The following CCSER1 variants were observed in gnomAD, a reference collection of about 807,000 sequenced individuals.
The protein encoded by CCSER1 is serine-rich coiled-coil domain-containing protein 1.
CCSER1 carries 41 observed loss-of-function variants against 82.0 expected under a neutral mutation model. The ratio of observed to expected loss-of-function variants is 0.50; its 90% CI spans 0.39 to 0.65. The LOEUF (loss-of-function observed/expected upper bound fraction) is 0.65. CCSER1 is among the 30% of genes least tolerant of loss of function. The pLI, the probability that CCSER1 is intolerant of heterozygous loss-of-function variation, is 0.00. For missense variants in CCSER1, 1,119 were observed against 1,064.2 expected (o/e 1.05, Z -0.72); for synonymous variants, 414 against 383.9 (o/e 1.08, Z -0.92).
rs180792514 is a variant in CCSER1 at position 91,127,927 on chromosome 4, T to A, written c.2217+41933T>A. Among the ~76,000 whole-genome samples, 176 of 149,870 alleles carry A rather than the reference T, an allele frequency of 1.2e-3. 5 individuals carry two copies. In the Middle Eastern group the frequency reaches 0.034, roughly 29 times the overall value. On this transcript the variant is annotated intron_variant, in intron 10 of 10. Transcript: ENST00000509176. ...AATAAGGTCACATTAGCATACATGC[T>A]CAAATTTCCATTGCACTGGGACACT...
At chr4:90,991,520 C>A (rs1737026496) in intron 9 of CCSER1, among the ~76,000 whole-genome samples, 1 of 151,908 alleles carries the variant, frequency 6.6e-6, no homozygotes, top group Non-Finnish European at 1.5e-5. Flanking sequence ...CTGCTTCAGT[C>A]TTCACAAGGC....
In CCSER1 at chr4:91,020,364, T is replaced by C. The variant is rs559407332; in HGVS notation, c.2173-65586T>C. Reference sequence around the variant, plus strand: ...ACTTTAATAAACATTGTGCCAGTCTTTAAAAGTACATACCTTGGCCGGGTG... The same window carrying C: ...ACTTTAATAAACATTGTGCCAGTCTCTAAAAGTACATACCTTGGCCGGGTG... On this transcript the variant is annotated intron_variant, in intron 9 of 10. Coordinates refer to ENST00000509176, the MANE Select transcript of CCSER1 (RefSeq NM_001145065.2). 1.9e-3 allele frequency among the ~76,000 whole-genome samples: 294 copies of C among 152,246 alleles called. 2 individuals carry two copies. The highest frequency in any genetic ancestry group is 1.3e-3 in the Non-Finnish European group (86 of 68,004).
intron 10 of CCSER1, among the ~76,000 whole-genome samples, chr4:91,189,687 A>G (rs1486548638): frequency 6.6e-6 from 1 of 152,102 alleles, no homozygotes; most frequent in Non-Finnish European, 1.5e-5. Context: ...TTTTCAACTT[A>G]TAATTTGTTT....
At chr4:91,093,027 A>G (rs1404768555) in intron 10 of CCSER1, among the ~76,000 whole-genome samples, 1 of 152,098 alleles carries the variant, frequency 6.6e-6, no homozygotes, top group Non-Finnish European at 1.5e-5. Flanking sequence ...TCTTTATATA[A>G]TGCTCCATAT....
intron 10 of CCSER1, among the ~76,000 whole-genome samples, chr4:91,170,662 T>C (rs1205852046): frequency 6.6e-6 from 1 of 152,194 alleles, no homozygotes; most frequent in Non-Finnish European, 1.5e-5. Flanking sequence ...AAAAATCATT[T>C]TTAGTAGAAA....
chr4:91,048,938 G>T (rs1388336131), intron 9 of CCSER1, among the ~76,000 whole-genome samples: 1 of 152,060 alleles, frequency 6.6e-6, no homozygotes, highest in Non-Finnish European at 1.5e-5. Context: ...CATAACAAGG[G>T]ATTAGATAAA....
chr4:91,295,897 T>TA (rs1325626600), intron 10 of CCSER1, among the ~76,000 whole-genome samples: 3 of 151,914 alleles, frequency 2.0e-5, no homozygotes, highest in African/African-American at 4.8e-5. Flanking sequence ...TAGGATATTT[T>TA]ATGCAGAAAA....
chr4:91,191,500 A>T (rs1163349888), intron 10 of CCSER1, among the ~76,000 whole-genome samples: 1 of 152,176 alleles, frequency 6.6e-6, no homozygotes, highest in Non-Finnish European at 1.5e-5. Flanking sequence ...TCTATGTATT[A>T]GAGCATCTCC....
At chr4:91,333,098 G>A (rs910920929) in intron 10 of CCSER1, among the ~76,000 whole-genome samples, 22 of 151,864 alleles carry the variant, frequency 1.4e-4, no homozygotes, top group African/African-American at 4.8e-4. Flanking sequence ...CAATCTTCGC[G>A]AAACATCTGC....
intron 8 of CCSER1, among the ~76,000 whole-genome samples, chr4:90,915,572 A>G (rs1025052099): frequency 4.6e-5 from 7 of 152,206 alleles, no homozygotes; most frequent in Non-Finnish European, 1.0e-4. Context: ...TGAATGGGCA[A>G]AAACTGGAAG....
intron 1 of CCSER1, among the ~76,000 whole-genome samples, chr4:90,252,008 G>A (rs1722479496): frequency 6.6e-6 from 1 of 151,598 alleles, no homozygotes; most frequent in Admixed American, 6.6e-5. Context: ...GTTTCATTTG[G>A]TCTTCTTTGG....
chr4:90,324,595 G>A (rs1197978066), intron 3 of CCSER1, among the ~76,000 whole-genome samples: 25 of 150,454 alleles, frequency 1.7e-4, no homozygotes, highest in African/African-American at 5.4e-4. Context: ...AGTAGGTTGC[G>A]AAAATTTTCT....
intron 10 of CCSER1, among the ~76,000 whole-genome samples, chr4:91,503,301 C>T (rs1201587792): frequency 6.8e-6 from 1 of 146,704 alleles, no homozygotes; most frequent in African/African-American, 2.5e-5. Flanking sequence ...AAGATGGTGC[C>T]ACTGCAGTCC....
chr4:91,547,895 C>T (rs1761968630), intron 10 of CCSER1, among the ~76,000 whole-genome samples: 1 of 152,034 alleles, frequency 6.6e-6, no homozygotes, highest in South Asian at 2.1e-4. Context: ...AATTCTCCTG[C>T]CTCAGTCTCC....
chr4:90,298,600 G>C (rs902880384), intron 1 of CCSER1, among the ~76,000 whole-genome samples: 10 of 151,882 alleles, frequency 6.6e-5, no homozygotes, highest in Non-Finnish European at 1.5e-4. Flanking sequence ...TGTCAATTTT[G>C]GATCTTTCCT....
intron 9 of CCSER1, among the ~76,000 whole-genome samples, chr4:90,935,796 G>A (rs1463059518): frequency 1.3e-5 from 2 of 152,032 alleles, no homozygotes; most frequent in Non-Finnish European, 1.5e-5. Flanking sequence ...ACAGTTTAGA[G>A]GTTACTACTG....
chr4:91,064,193 T>C (rs1744177310), intron 9 of CCSER1, among the ~76,000 whole-genome samples: 1 of 152,154 alleles, frequency 6.6e-6, no homozygotes, highest in African/African-American at 2.4e-5. Context: ...GATAATGGTT[T>C]CCCAATGACT....
chr4:90,908,598 A>T (rs543340777), intron 8 of CCSER1, among the ~76,000 whole-genome samples: 8 of 152,284 alleles, frequency 5.3e-5, no homozygotes, highest in Admixed American at 2.6e-4. Flanking sequence ...TGATTTTAAG[A>T]TGCAATAAAT....
At chr4:91,447,561 T>C (rs1246617433) in intron 10 of CCSER1, among the ~76,000 whole-genome samples, 1 of 152,100 alleles carries the variant, frequency 6.6e-6, no homozygotes, top group Admixed American at 6.6e-5. Context: ...GTAATGAAAT[T>C]TGAATTATTT....
Sources: allele counts gnomAD v4.1 joint callset (sites outside exome capture counted in the v4.1 genomes callset), GRCh38; gene constraint gnomAD v4.1.1; transcripts MANE v1.5; gene names NCBI Gene and HGNC (gene_info 2026-07-23, HGNC 2026-07-21).